The following ATP6V0A1 variants were observed in gnomAD, a reference collection of about 807,000 sequenced individuals.
ATP6V0A1 encodes the protein V-type proton ATPase 116 kDa subunit a 1.
A neutral mutation model predicts 105.4 loss-of-function variants in ATP6V0A1; 43 were observed. That is an observed-to-expected ratio of 0.41 (90% CI 0.32 to 0.53). The LOEUF (loss-of-function observed/expected upper bound fraction) is 0.53. Among genes scored for constraint, ATP6V0A1 ranks in the 20% least tolerant of loss-of-function variants. The pLI is 0.30. For synonymous variants in ATP6V0A1, 362 were observed against 372.8 expected (o/e 0.97, Z 0.33); for missense variants, 676 against 1,051.1 (o/e 0.64, Z 4.93).
At chr17:42,481,002 G>C (rs552517493) in intron 8 of ATP6V0A1, 89 of 262,248 alleles carry the variant, frequency 3.4e-4, no homozygotes, top group Non-Finnish European at 5.0e-4. Flanking sequence ...GCTCACGGCA[G>C]CCTTGACTGC....
intron 19 of ATP6V0A1, among the ~76,000 whole-genome samples, chr17:42,512,900 G>T (rs375003757): frequency 6.6e-6 from 1 of 152,210 alleles, no homozygotes; most frequent in Non-Finnish European, 1.5e-5. Context: ...TGGGCTCTGC[G>T]GGGGGAAGCC....
Position 42,501,256 on chromosome 17 carries a change from G to T in ATP6V0A1, c.1956G>T (p.Leu652=). 6.2e-7 allele frequency: 1 copy of T among 1,614,138 alleles called. No individual in the cohort carries two copies. The highest frequency in any genetic ancestry group is 2.2e-5 in the East Asian group (1 of 44,882). The change falls in exon 17 of 22, where the codon CTG becomes CTT. Residue 652 remains leucine (L), a synonymous_variant. Coordinates refer to ENST00000343619, the MANE Select transcript of ATP6V0A1 (RefSeq NM_001130021.3). ...VALLCVPWML[L]FKPLVLRRQY... ...TACTGTGTGTACCTTGGATGCTGCT[G>T]TTTAAACCATTGGTCCTTCGCCGTC...
intron 2 of ATP6V0A1, among the ~76,000 whole-genome samples, chr17:42,463,009 T>TTTC (rs2086618055): frequency 7.1e-6 from 1 of 141,076 alleles, no homozygotes; most frequent in Non-Finnish European, 1.5e-5. Flanking sequence ...TTTTTTTTTT[T>TTTC]TTTTTTTTTT....
At chr17:42,502,417 G>A (rs938472428) in intron 17 of ATP6V0A1, among the ~76,000 whole-genome samples, 11 of 152,218 alleles carry the variant, frequency 7.2e-5, no homozygotes, top group African/African-American at 2.2e-4. Flanking sequence ...TTTAAAGCAC[G>A]TTGATTTTTT....
At chr17:42,463,227 G>A (rs531564506) in intron 2 of ATP6V0A1, among the ~76,000 whole-genome samples, 23 of 148,462 alleles carry the variant, frequency 1.5e-4, no homozygotes, top group Non-Finnish European at 2.5e-4. Context: ...GGCTGGTCTC[G>A]AACTCCTGAC....
Position 42,521,223 on chromosome 17 carries a change from C to T in ATP6V0A1, c.*103C>T, listed in dbSNP as rs1567882016. 9.9e-7 allele frequency: 1 copy of T among 1,012,568 alleles called. No individual in the cohort carries two copies. Among genetic ancestry groups the T allele is most frequent in the Non-Finnish European group, 1.4e-6 (1 of 695,696 alleles). 62.7% of individuals were successfully genotyped at this position (1,012,568 alleles called of 1,614,324 possible). On this transcript the variant is annotated 3_prime_UTR_variant, in exon 22 of 22. Coordinates refer to ENST00000343619, the MANE Select transcript of ATP6V0A1 (RefSeq NM_001130021.3). This position sits in a 1 kb window ranked among gnomAD's most constrained non-coding sequence, Gnocchi z 4.8. ...TGGTTGTGATCTGTGGGCACCAGCT[C>T]ATTCGTGTCACCCTGTCTGTGAGTC... is the stretch of plus-strand genomic sequence containing the variant.
intron 11 of ATP6V0A1, among the ~76,000 whole-genome samples, chr17:42,491,763 G>A (rs1420418352): frequency 1.3e-5 from 2 of 152,090 alleles, no homozygotes; most frequent in African/African-American, 4.8e-5. Context: ...GATTACAGAC[G>A]TGAGCCACTG....
intron 19 of ATP6V0A1, among the ~76,000 whole-genome samples, chr17:42,512,649 C>A (rs1156245334): frequency 6.6e-6 from 1 of 152,188 alleles, no homozygotes; most frequent in Non-Finnish European, 1.5e-5. Flanking sequence ...GTGGAGCCAG[C>A]CCCCTCCACG....
At chr17:42,492,943 A>G (rs1158080831) in intron 11 of ATP6V0A1, among the ~76,000 whole-genome samples, 1 of 151,912 alleles carries the variant, frequency 6.6e-6, no homozygotes, top group African/African-American at 2.4e-5. Context: ...GCTTGAACCC[A>G]AGAGACAGAA....
At chr17:42,495,260 G>C (rs1215003853) in intron 13 of ATP6V0A1, 72 bp downstream of exon 13, 2 of 1,498,710 alleles carry the variant, frequency 1.3e-6, no homozygotes, top group Admixed American at 1.8e-5. Flanking sequence ...AAGACAAGTG[G>C]TAAACTGACA....
At chr17:42,516,471 G>A (rs2092631451) in intron 21 of ATP6V0A1, among the ~76,000 whole-genome samples, 3 of 152,050 alleles carry the variant, frequency 2.0e-5, no homozygotes, top group African/African-American at 2.4e-5. Flanking sequence ...CTTATCAGCC[G>A]ACCCCCGCAA....
At chr17:42,471,619 A>G (rs1487008713) in intron 5 of ATP6V0A1, among the ~76,000 whole-genome samples, 1 of 152,018 alleles carries the variant, frequency 6.6e-6, no homozygotes, top group African/African-American at 2.4e-5. Flanking sequence ...CTGTAGTTCC[A>G]GCTACTCGGG....
chr17:42,468,533 C>G (rs946566305), intron 4 of ATP6V0A1, among the ~76,000 whole-genome samples: 1 of 152,158 alleles, frequency 6.6e-6, no homozygotes, highest in African/African-American at 2.4e-5. Context: ...TTCATCCCCC[C>G]ACAAACCCAC....
chr17:42,458,973 G>C lies in ATP6V0A1; in HGVS notation c.-48+10G>C, dbSNP rs568618313. On this transcript the variant is annotated intron_variant, in intron 1 of 21. Coordinates refer to ENST00000343619, the MANE Select transcript of ATP6V0A1 (RefSeq NM_001130021.3). ...GTGGCGGAGTTTGGAGGTGAGTGGG[G>C]GCTGTAGGTTTAGCGCAACAGGGAG... is the stretch of plus-strand genomic sequence containing the variant. 1.3e-5 allele frequency: 2 copies of C among 152,884 alleles called. No individual in the cohort carries two copies. Among genetic ancestry groups the C allele is most frequent in the Admixed American group, 1.3e-4 (2 of 15,282 alleles). 9.5% of individuals were successfully genotyped at this position (152,884 alleles called of 1,614,324 possible).
intron 11 of ATP6V0A1, among the ~76,000 whole-genome samples, chr17:42,493,862 G>A (rs1396741834): frequency 4.6e-5 from 7 of 152,276 alleles, no homozygotes; most frequent in South Asian, 2.1e-4. Context: ...GCTACTTTGT[G>A]AAGATGTGTT....
In ATP6V0A1 at chr17:42,468,060, G is replaced by A; in HGVS notation, c.247G>A (p.Gly83Ser). The change falls in exon 4 of 22, where the codon GGT becomes AGT. Residue 83 changes from glycine (G) to serine (S), a missense_variant. By Grantham distance (56) the Gly-to-Ser change is moderately conservative. Around this residue, in one of 3 missense-constraint regions of ATP6V0A1, gnomAD observed 239 missense variants for 388.4 expected, o/e 0.62. Transcript: ENST00000343619. ...AGCTAACATTCCGATTATGGACACCGGTGAAAACCCAGAGGTTCCCTTCCC... is the reference window on the plus strand; with the variant it reads ...AGCTAACATTCCGATTATGGACACCAGTGAAAACCCAGAGGTTCCCTTCCC... ...RKANIPIMDTGENPEVPFPRD... is the reference protein window; with the variant it reads ...RKANIPIMDTSENPEVPFPRD... The A allele has an allele frequency of 1.9e-6, 3 of 1,605,284 alleles. No individual in the cohort carries two copies. The highest frequency in any genetic ancestry group is 2.6e-6 in the Non-Finnish European group (3 of 1,175,614).
chr17:42,479,796 C>T (rs748341283), intron 7 of ATP6V0A1, among the ~76,000 whole-genome samples: 2 of 152,162 alleles, frequency 1.3e-5, no homozygotes, highest in Non-Finnish European at 2.9e-5. Context: ...AATTTGTAGT[C>T]ACATTAATGA....
chr17:42,466,567 G>A (rs1382612496), intron 3 of ATP6V0A1, 60 bp downstream of exon 3: 2 of 1,426,016 alleles, frequency 1.4e-6, no homozygotes, highest in African/African-American at 2.8e-5. Flanking sequence ...TTAGATTAGT[G>A]ACATTAGTCC....
At chr17:42,473,317 G>C (rs1567816726) in intron 5 of ATP6V0A1, among the ~76,000 whole-genome samples, 1 of 152,182 alleles carries the variant, frequency 6.6e-6, no homozygotes, top group Non-Finnish European at 1.5e-5. Context: ...ATTCCAGCAT[G>C]CTCACTGCCC....
Sources: allele counts gnomAD v4.1 joint callset (sites outside exome capture counted in the v4.1 genomes callset), GRCh38; gene constraint gnomAD v4.1.1; regional missense constraint gnomAD v4.1.1; non-coding constraint Gnocchi (gnomAD v3.1); transcripts MANE v1.5; gene names NCBI Gene and HGNC (gene_info 2026-07-23, HGNC 2026-07-21).